DPEP1: variants seen among roughly 807,000 people sequenced by gnomAD.
DPEP1 encodes the protein beta-lactamase.
Under a neutral mutation model 42.3 loss-of-function variants are expected in DPEP1, and 50 were observed. That is an observed-to-expected ratio of 1.18 (90% CI 0.94 to 1.50). The LOEUF (loss-of-function observed/expected upper bound fraction) is 1.50, where lower values mean the gene tolerates loss of function less well. Ranked by LOEUF, DPEP1 falls within the 40% of genes most tolerant of loss-of-function variation. The pLI, the probability that DPEP1 is intolerant of heterozygous loss-of-function variation, is 0.00. For missense variants in DPEP1, 663 were observed against 553.0 expected (o/e 1.20, Z -1.99); for synonymous variants, 297 against 234.0 (o/e 1.27, Z -2.46).
In DPEP1 at chr16:89,628,569, T is replaced by C. The variant is rs201197223; in HGVS notation, c.-106-1736T>C. 2.6e-5 allele frequency among the ~76,000 whole-genome samples: 4 copies of C among 152,060 alleles called. No individual in the cohort carries two copies. In the East Asian group the frequency reaches 7.8e-4, roughly 30 times the overall value. On this transcript the variant is annotated intron_variant, in intron 1 of 10. Transcript: ENST00000690203. ...CACCTTGCCCAGCCCCCAAAGGGTA[T>C]TTCTTTATAGCAGTGTGAAAATGGA...
At chr16:89,626,782 A>G (rs444964) in intron 1 of DPEP1, among the ~76,000 whole-genome samples, 56,839 of 151,858 alleles carry the variant, frequency 0.37, 12,116 homozygotes, top group Middle Eastern at 0.62. Context: ...CTCCCCAGCC[A>G]TGTGGAACTG....
At chr16:89,617,432 C>T (rs1307248063) in intron 1 of DPEP1, among the ~76,000 whole-genome samples, 1 of 152,190 alleles carries the variant, frequency 6.6e-6, no homozygotes, top group Non-Finnish European at 1.5e-5. Flanking sequence ...GAGGCTTGCG[C>T]ACATGTTACA....
At position 89,637,462 on chromosome 16, in the gene DPEP1, G is replaced by A; in HGVS notation, c.769-6G>A. ...TCAGCTTCACCCTGTCTTCCTTCTT[G>A]TGCAGAAACAGACAGACAGCCTGGT... On this transcript the variant is annotated splice_region_variant and splice_polypyrimidine_tract_variant and intron_variant, in intron 7 of 10. Coordinates refer to ENST00000690203, the MANE Select transcript of DPEP1 (RefSeq NM_001389466.1). 6.2e-7 allele frequency: 1 copy of A among 1,612,826 alleles called. No individual in the cohort carries two copies. The highest frequency in any genetic ancestry group is 1.1e-5 in the South Asian group (1 of 91,092).
At chr16:89,614,171 C>T (rs1257258890) in intron 1 of DPEP1, among the ~76,000 whole-genome samples, 2 of 152,096 alleles carry the variant, frequency 1.3e-5, no homozygotes, top group South Asian at 2.1e-4. Flanking sequence ...AGACCCGCCG[C>T]TGTCCTCCCA....
At chr16:89,636,136 C>A (rs2059675353) in intron 3 of DPEP1, 96 bp downstream of exon 3, 9 of 1,548,290 alleles carry the variant, frequency 5.8e-6, no homozygotes, top group Non-Finnish European at 1.7e-6. Context: ...TGGTGTTCCT[C>A]CAGGGTCCCT....
intron 2 of DPEP1, among the ~76,000 whole-genome samples, chr16:89,631,542 G>C (rs531859040): frequency 6.6e-6 from 1 of 152,324 alleles, no homozygotes; most frequent in East Asian, 1.9e-4. Context: ...AGGGAAACCC[G>C]ATGTCTTGTC....
At chr16:89,635,155 CCTTCCTTCCCTTTCCCT>C (rs2059657453) in intron 2 of DPEP1, among the ~76,000 whole-genome samples, 1 of 91,916 alleles carries the variant, frequency 1.1e-5, no homozygotes. Flanking sequence ...TCTCCTTTCC[CCTTCCTTCCCTTTCCCT>C]TCCTTCTCCT....
downstream of DPEP1, chr16:89,638,604 T>C (rs1567995099): frequency 1.5e-6 from 1 of 663,804 alleles, no homozygotes; most frequent in African/African-American, 2.0e-5. Flanking sequence ...TGAGCGTCTT[T>C]AGGGACAGTC....
chr16:89,639,326 C>G (rs1359909575), downstream of DPEP1, among the ~76,000 whole-genome samples: 1 of 31,476 alleles, frequency 3.2e-5, no homozygotes, highest in East Asian at 9.2e-4. Context: ...ACAACCCATC[C>G]CTGCTCACAT....
At chr16:89,634,335 C>T (rs565599832) in intron 2 of DPEP1, among the ~76,000 whole-genome samples, 5 of 152,250 alleles carry the variant, frequency 3.3e-5, no homozygotes, top group South Asian at 2.1e-4. Flanking sequence ...GATCTGCCCA[C>T]CTCGGCCTCC....
chr16:89,635,946 A>C lies in DPEP1; in HGVS notation c.143A>C (p.Asn48Thr). Reference sequence around the variant, plus strand: ...CCCTGGCAGCTGCTGGATATGTTCAACAACCGGCTGCAGGACGAGAGGGCC... The same window carrying C: ...CCCTGGCAGCTGCTGGATATGTTCACCAACCGGCTGCAGGACGAGAGGGCC... The part of the protein sequence containing the change: ...DLPWQLLDMF[N>T]NRLQDERANL... The change falls in exon 3 of 11, where the codon AAC becomes ACC. Residue 48 changes from asparagine to threonine, a missense_variant. Asn to Thr is a moderately conservative substitution (Grantham distance 65). Transcript: ENST00000690203. 7 of 1,611,644 alleles carry C rather than the reference A, an allele frequency of 4.3e-6. No individual in the cohort carries two copies. Among genetic ancestry groups the C allele is most frequent in the Non-Finnish European group, 5.9e-6 (7 of 1,179,376 alleles).
chr16:89,613,846 G>A (rs969422055), intron 1 of DPEP1, 127 bp downstream of exon 1: 1 of 165,262 alleles, frequency 6.1e-6, no homozygotes, highest in Non-Finnish European at 1.4e-5. Flanking sequence ...AGGGGACGCG[G>A]CGGCTTCCTG....
chr16:89,641,269 G>C (rs1204371839), downstream of DPEP1, among the ~76,000 whole-genome samples: 3 of 152,090 alleles, frequency 2.0e-5, no homozygotes, highest in Non-Finnish European at 4.4e-5. Context: ...TGGTGGAGCA[G>C]AGTCTTTTCT....
chr16:89,640,730 T>A, downstream of DPEP1: 1 of 696,600 alleles, frequency 1.4e-6, no homozygotes, highest in Non-Finnish European at 1.8e-6. Context: ...CTAATTTTAT[T>A]AACAGTATTT....
intron 1 of DPEP1, chr16:89,620,530 C>T (rs2059435012): frequency 1.3e-5 from 2 of 152,438 alleles, no homozygotes; most frequent in African/African-American, 4.8e-5. Context: ...TCACTGAGGG[C>T]ATGCGTATCT....
chr16:89,628,761 A>C (rs1271464431), intron 1 of DPEP1, among the ~76,000 whole-genome samples: 1 of 152,054 alleles, frequency 6.6e-6, no homozygotes, highest in East Asian at 1.9e-4. Flanking sequence ...AGGCAAAAGG[A>C]AAAATCAGAA....
chr16:89,636,762 C>T (rs865834325), intron 5 of DPEP1, 79 bp downstream of exon 5: 90 of 1,601,502 alleles, frequency 5.6e-5, no homozygotes, highest in Admixed American at 6.7e-5. Flanking sequence ...CCTCCAGAGC[C>T]CATCCCCTCT....
chr16:89,637,405 A>G lies in DPEP1; in HGVS notation c.768+25A>G. Reference sequence around the variant, plus strand: ...GGTGAGGGCCGAGGGGGCGACCTCCACCCCGCCTCCCTGGGCAGGCCCTCC... The same window carrying G: ...GGTGAGGGCCGAGGGGGCGACCTCCGCCCCGCCTCCCTGGGCAGGCCCTCC... On this transcript the variant is annotated intron_variant, in intron 7 of 10. Transcript: ENST00000690203. 5 of 1,611,846 alleles carry G rather than the reference A, an allele frequency of 3.1e-6. No homozygotes were observed. In the South Asian group the frequency reaches 4.4e-5, roughly 14 times the overall value.
chr16:89,631,376 G>T (rs113738879), intron 2 of DPEP1, among the ~76,000 whole-genome samples: 4 of 152,314 alleles, frequency 2.6e-5, no homozygotes, highest in African/African-American at 7.2e-5. Flanking sequence ...GGTCACCATG[G>T]AGGCCTCCTG....
Sources: gnomAD v4.1 joint callset for allele counts (sites outside exome capture counted in the v4.1 genomes callset) on GRCh38, gnomAD v4.1.1 for gene constraint, MANE v1.5 for transcripts, NCBI Gene and HGNC (gene_info 2026-07-23, HGNC 2026-07-21) for gene names.